The following ANKRD17 variants were observed in gnomAD, a reference collection of about 807,000 sequenced individuals.
ANKRD17 encodes ankyrin repeat domain-containing protein 17.
A neutral mutation model predicts 229.7 loss-of-function variants in ANKRD17; 19 were observed. That is an observed-to-expected ratio of 0.08 (90% confidence interval 0.06 to 0.12). The LOEUF is 0.12. ANKRD17 is among the 10% of genes least tolerant of loss of function. The pLI, the probability that ANKRD17 is intolerant of heterozygous loss-of-function variation, is 1.00. For missense variants in ANKRD17, 2,176 were observed against 3,176.8 expected, an observed-to-expected ratio of 0.68 and a Z score of 7.57; for synonymous variants, 1,112 against 1,146.1, an observed-to-expected ratio of 0.97 and a Z score of 0.60.
At chr4:73,130,610 A>ATT (rs59923210) in intron 16 of ANKRD17, among the ~76,000 whole-genome samples, 109 of 146,422 alleles carry the variant, frequency 7.4e-4, no homozygotes, top group African/African-American at 2.1e-3. Flanking sequence ...ATAAAGATCT[A>ATT]TTTTTTTTTT....
intron 11 of ANKRD17, 117 bp downstream of exon 11, chr4:73,144,628 A>T (rs908155994): frequency 2.0e-6 from 1 of 510,092 alleles, no homozygotes; most frequent in Non-Finnish European, 3.3e-6. Context: ...AAATGTCAGT[A>T]GCATCCCTCC....
intron 1 of ANKRD17, among the ~76,000 whole-genome samples, chr4:73,209,605 A>T (rs949035045): frequency 6.6e-6 from 1 of 151,950 alleles, no homozygotes; most frequent in African/African-American, 2.4e-5. Flanking sequence ...TATACTCCCA[A>T]TTTTTTTTAC....
chr4:73,139,179 T>C (rs1362396103), intron 15 of ANKRD17, among the ~76,000 whole-genome samples: 1 of 152,114 alleles, frequency 6.6e-6, no homozygotes, highest in Non-Finnish European at 1.5e-5. Context: ...CCCAGTTTAT[T>C]GGTGTGAATA....
At chr4:73,254,392 A>G (rs891202274) in intron 1 of ANKRD17, among the ~76,000 whole-genome samples, 3 of 152,214 alleles carry the variant, frequency 2.0e-5, no homozygotes, top group African/African-American at 7.2e-5. Context: ...AACAGATGAA[A>G]TTCTGATCAA....
chr4:73,147,549 TAAATAAG>T, intron 8 of ANKRD17, 117 bp from the exon 9 acceptor site: 1 of 880,270 alleles, frequency 1.1e-6, no homozygotes, highest in South Asian at 4.1e-5. Context: ...ATTACTATAA[TAAATAAG>T]AAAGTGCCTC....
At chr4:73,128,477 T>C (rs373318699) in intron 16 of ANKRD17, among the ~76,000 whole-genome samples, 15 of 152,348 alleles carry the variant, frequency 9.8e-5, no homozygotes, top group African/African-American at 3.1e-4. Flanking sequence ...GAGATGTACA[T>C]AAAATTTGCA....
At chr4:73,210,293 A>G (rs936316462) in intron 1 of ANKRD17, among the ~76,000 whole-genome samples, 2 of 122,702 alleles carry the variant, frequency 1.6e-5, no homozygotes, top group East Asian at 1.9e-4. Flanking sequence ...CTACATATGA[A>G]CAACAAACAA....
chr4:73,135,753 C>G (rs1054942303), intron 15 of ANKRD17, among the ~76,000 whole-genome samples: 1 of 152,058 alleles, frequency 6.6e-6, no homozygotes, highest in Non-Finnish European at 1.5e-5. Context: ...TTTAAAACAC[C>G]GCCATACTGT....
chr4:73,231,813 G>T (rs1050022330), intron 1 of ANKRD17, among the ~76,000 whole-genome samples: 1 of 152,088 alleles, frequency 6.6e-6, no homozygotes, highest in East Asian at 1.9e-4. Flanking sequence ...AAGTGAAATC[G>T]ATCCCCAACG....
intron 1 of ANKRD17, among the ~76,000 whole-genome samples, chr4:73,179,504 ATATATATATATATATT>A (rs1472836015): frequency 9.0e-5 from 7 of 77,982 alleles, no homozygotes; most frequent in East Asian, 6.6e-4. Context: ...ATATATATAT[ATATATATATATATATT>A]TTTTTTTTTT....
chr4:73,231,076 C>T (rs1057116460), intron 1 of ANKRD17, among the ~76,000 whole-genome samples: 4 of 152,116 alleles, frequency 2.6e-5, no homozygotes, highest in African/African-American at 9.7e-5. Flanking sequence ...CTTTCAACCT[C>T]GTCAGCAACA....
chr4:73,099,143 T>C, intron 25 of ANKRD17: 1 of 696,364 alleles, frequency 1.4e-6, no homozygotes, highest in Non-Finnish European at 2.7e-6. Flanking sequence ...GGAGGAGCAG[T>C]GACCGTGTGT....
chr4:73,155,856 C>T, intron 4 of ANKRD17, 78 bp from the exon 5 acceptor site: 1 of 1,524,398 alleles, frequency 6.6e-7, no homozygotes, highest in Non-Finnish European at 8.9e-7. Context: ...TATATAACGT[C>T]TACCTAGTCA....
At chr4:73,119,194 T>C (rs1354613376) in intron 21 of ANKRD17, among the ~76,000 whole-genome samples, 1 of 152,142 alleles carries the variant, frequency 6.6e-6, no homozygotes, top group African/African-American at 2.4e-5. Context: ...CCTAGCATTG[T>C]CTTAAATAGA....
chr4:73,138,542 C>T (rs1729202090), intron 15 of ANKRD17, among the ~76,000 whole-genome samples: 1 of 151,984 alleles, frequency 6.6e-6, no homozygotes, highest in Non-Finnish European at 1.5e-5. Flanking sequence ...ATATTTAATG[C>T]TACTGAAACA....
intron 15 of ANKRD17, 56 bp from the exon 16 acceptor site, chr4:73,135,321 A>C (rs1239048008): frequency 1.3e-6 from 2 of 1,504,704 alleles, no homozygotes; most frequent in Non-Finnish European, 1.8e-6. Flanking sequence ...AGTAATACTA[A>C]GACATATTCA....
intron 25 of ANKRD17, among the ~76,000 whole-genome samples, chr4:73,099,960 C>T (rs1723763650): frequency 6.6e-6 from 1 of 152,154 alleles, no homozygotes; most frequent in African/African-American, 2.4e-5. Flanking sequence ...ACTTACTTTG[C>T]TTCTGCCACT....
intron 29 of ANKRD17, among the ~76,000 whole-genome samples, chr4:73,087,333 T>C (rs879555945): frequency 6.6e-6 from 1 of 152,074 alleles, no homozygotes; most frequent in Non-Finnish European, 1.5e-5. Flanking sequence ...GAGCCTCTTG[T>C]CTCAGTCTCC....
rs146733532 is a variant in ANKRD17, at chr4:73,186,489, A to T, written c.394-8956T>A. Among the ~76,000 whole-genome samples the T allele has an allele frequency of 2.6e-3, 399 of 152,206 alleles. 4 individuals are homozygous for T. The highest frequency in any genetic ancestry group is 7.5e-3 in the East Asian group (39 of 5,182). On this transcript the variant is annotated intron_variant, in intron 1 of 33. Coordinates refer to ENST00000358602, the MANE Select transcript of ANKRD17 (RefSeq NM_032217.5). Reference sequence around the variant, plus strand: ...AGTCTATTTACAGAATAAACCACTGATCTATTCTTATATTTTTTCATTCAT... The same window carrying T: ...AGTCTATTTACAGAATAAACCACTGTTCTATTCTTATATTTTTTCATTCAT...
Sources: gnomAD v4.1 joint callset for allele counts (sites outside exome capture counted in the v4.1 genomes callset) on GRCh38, gnomAD v4.1.1 for gene constraint, MANE v1.5 for transcripts, NCBI Gene and HGNC (gene_info 2026-07-23, HGNC 2026-07-21) for gene names.